TACC2: variants seen among roughly 807,000 people sequenced by gnomAD.
TACC2 encodes the protein transforming acidic coiled-coil containing protein 2, also known as transforming acidic coiled-coil-containing protein 2.
TACC2 carries 137 observed loss-of-function variants against 227.3 expected under a neutral mutation model. That is an observed-to-expected ratio of 0.60 (90% CI 0.52 to 0.69). The LOEUF (loss-of-function observed/expected upper bound fraction) is 0.69. Among genes scored for constraint, TACC2 ranks in the 30% least tolerant of loss-of-function variants. The probability of loss-of-function intolerance (pLI) is 0.00; values close to 1 mark genes in which losing one functional copy is unlikely to be tolerated. For synonymous variants in TACC2, 1,523 were observed against 1,487.5 expected (o/e 1.02, Z -0.55); for missense variants, 3,470 against 3,694.4 (o/e 0.94, Z 1.57).
Position 122,211,377 on chromosome 10 carries a change from C to T in TACC2, c.6952C>T (p.Pro2318Ser). The T allele has an allele frequency of 6.2e-7, 1 of 1,613,996 alleles. No homozygotes were observed. The highest frequency in any genetic ancestry group is 8.5e-7 in the Non-Finnish European group (1 of 1,179,996). Residue 2318 changes from proline (P) to serine (S), a missense_variant, in exon 9 of 23, where the codon CCT (proline) becomes TCT (serine). This residue lies in a region of TACC2 where 593 missense variants were observed against 636.6 expected (regional missense o/e 0.93). Transcript: ENST00000369005. ...PEKLDNTPAS[P>S]PRSPAEPNDI... ...GAAACTTGACAACACTCCTGCCTCACCTCCCAGATCCCCTGCTGAACCCAA... is the reference window on the plus strand; with the variant it reads ...GAAACTTGACAACACTCCTGCCTCATCTCCCAGATCCCCTGCTGAACCCAA...
In TACC2 at chr10:122,086,112, C is replaced by T; in HGVS notation, c.3612C>T (p.Pro1204=). 1 of 1,613,580 alleles carries T rather than the reference C, an allele frequency of 6.2e-7. No homozygotes were observed. The highest frequency in any genetic ancestry group is 8.5e-7 in the Non-Finnish European group (1 of 1,179,978). ...LLPARELGGI[P]RSTMDFSTHQ... ...CAGCCAGAGAGCTGGGTGGGATTCC[C>T]AGGAGCACCATGGATTTTTCTACAC... Residue 1204 remains proline (P), a synonymous_variant, in exon 4 of 23, where the codon CCC becomes CCT. Transcript: ENST00000369005.
intron 1 of TACC2, among the ~76,000 whole-genome samples, chr10:122,020,733 G>A (rs542676355): frequency 6.6e-6 from 1 of 152,258 alleles, no homozygotes; most frequent in South Asian, 2.1e-4. Flanking sequence ...CCCCCACTGG[G>A]TTAGACTGGT....
In TACC2 at chr10:122,088,060, A is replaced by G. The variant is rs774271496; in HGVS notation, c.5459+101A>G. The G allele has an allele frequency of 5.5e-5, 71 of 1,285,706 alleles. 1 individual carries two copies. The highest frequency in any genetic ancestry group is 3.5e-4 in the Admixed American group (11 of 31,264). The allele number at this position is 1,285,706 out of a possible 1,614,324, so 79.6% of individuals were successfully genotyped here. A position where few individuals can be genotyped will look rare whatever the true frequency, so the allele number is the denominator to read the frequency against. On this transcript the variant is annotated intron_variant, in intron 4 of 22. Coordinates refer to ENST00000369005, the MANE Select transcript of TACC2 (RefSeq NM_206862.4). Reference sequence around the variant, plus strand: ...CAGTCGCATAGGTGAGTGGTTTTCTAAAAGCTGAGTTTTCCATATCTAATT... The same window carrying G: ...CAGTCGCATAGGTGAGTGGTTTTCTGAAAGCTGAGTTTTCCATATCTAATT...
intron 11 of TACC2, among the ~76,000 whole-genome samples, chr10:122,224,083 T>C (rs1175818621): frequency 6.6e-6 from 1 of 152,202 alleles, no homozygotes; most frequent in Non-Finnish European, 1.5e-5. Flanking sequence ...TATGGGATTT[T>C]CACCAATCAA....
intron 2 of TACC2, among the ~76,000 whole-genome samples, chr10:122,035,170 C>T (rs1038580391): frequency 7.9e-5 from 12 of 152,284 alleles, no homozygotes; most frequent in Middle Eastern, 3.4e-3. Context: ...GGTCTTCCAT[C>T]GTGCTTTGCA....
At position 122,210,142 on chromosome 10, in the gene TACC2, T is replaced by G; in HGVS notation, c.5972-255T>G. ...GGTGAATGTTTTTGAATGAATACTCTGAGCTGTTCTTTAATCGGTCCTCAT... is the reference window on the plus strand; with the variant it reads ...GGTGAATGTTTTTGAATGAATACTCGGAGCTGTTCTTTAATCGGTCCTCAT... On this transcript the variant is annotated intron_variant, in intron 8 of 22. Transcript: ENST00000369005. The surrounding 1 kb of genome is among the most constrained non-coding windows in gnomAD (Gnocchi z 4.6). 3 of 551,936 alleles carry G rather than the reference T, an allele frequency of 5.4e-6. No homozygotes were observed. Among genetic ancestry groups the G allele is most frequent in the East Asian group, 3.1e-5 (1 of 31,982 alleles). 34.2% of individuals were successfully genotyped at this position (551,936 alleles called of 1,614,324 possible).
chr10:122,003,430 C>T (rs1954664527), intron 1 of TACC2, among the ~76,000 whole-genome samples: 1 of 151,996 alleles, frequency 6.6e-6, no homozygotes, highest in Non-Finnish European at 1.5e-5. Context: ...TTCCTCTGAT[C>T]ACTGCTTTAA....
chr10:122,089,579 A>G (rs2080497429), intron 5 of TACC2, among the ~76,000 whole-genome samples: 1 of 152,242 alleles, frequency 6.6e-6, no homozygotes. Context: ...GCACGTACAC[A>G]GACACACAGT....
chr10:122,153,934 T>C (rs141984289), intron 7 of TACC2, among the ~76,000 whole-genome samples: 1,707 of 152,266 alleles, frequency 0.011, 17 homozygotes, highest in Admixed American at 0.024. Context: ...TCTTCCTCCC[T>C]CCGGGCCCCC....
chr10:122,083,421 C>T lies in TACC2; in HGVS notation c.921C>T (p.Leu307=). ...ATTTAACAGATGACTTGGAATTCCT[C>T]AGGGCCTGCCATCTCCCTAGGAGCA... is the stretch of plus-strand genomic sequence containing the variant. ...PQYLTDDLEF[L]RACHLPRSNS... The change falls in exon 4 of 23, where the codon CTC becomes CTT. Residue 307 remains leucine, a synonymous_variant. Transcript: ENST00000369005. 1 of 1,613,686 alleles carries T rather than the reference C, an allele frequency of 6.2e-7. No individual in the cohort carries two copies. The highest frequency in any genetic ancestry group is 8.5e-7 in the Non-Finnish European group (1 of 1,180,028).
intron 8 of TACC2, among the ~76,000 whole-genome samples, chr10:122,202,702 CGG>C (rs201436301): frequency 0.37 from 52,409 of 143,162 alleles, 11,165 homozygotes; most frequent in Middle Eastern, 0.5. Context: ...GGGTGTTTCT[CGG>C]AGAGGGGGAT....
intron 7 of TACC2, among the ~76,000 whole-genome samples, chr10:122,185,021 C>CT (rs34148046): frequency 0.047 from 4,501 of 95,322 alleles, 338 homozygotes; most frequent in African/African-American, 0.11. Flanking sequence ...GTCACTTATT[C>CT]TTTTTTTTTT....
At chr10:121,992,894 G>T (rs907308811) in intron 1 of TACC2, among the ~76,000 whole-genome samples, 2 of 151,910 alleles carry the variant, frequency 1.3e-5, no homozygotes, top group African/African-American at 4.8e-5. Context: ...GGCAGAGGTT[G>T]CAGTGAGCCA....
chr10:122,155,084 C>G (rs2092372895), intron 7 of TACC2, among the ~76,000 whole-genome samples: 1 of 152,240 alleles, frequency 6.6e-6, no homozygotes, highest in Non-Finnish European at 1.5e-5. Context: ...GCTGCTGTCT[C>G]TGTTCAAAAT....
rs771411616 is a variant in TACC2, at chr10:122,238,017, G to A, written c.8328G>A (p.Arg2776=). The change falls in exon 18 of 23, where the codon AGG becomes AGA. Residue 2776 remains arginine (R), a synonymous_variant. Transcript: ENST00000369005. ...SEWKDKYEES[R]REVMEMRKIV... is the part of the protein sequence containing the mutation. ...GGAAAGATAAATATGAAGAAAGCAG[G>A]CGGGAAGTGATGGAAATGAGGTCAG... 6.2e-7 allele frequency: 1 copy of A among 1,614,088 alleles called. No individual in the cohort carries two copies. The highest frequency in any genetic ancestry group is 8.5e-7 in the Non-Finnish European group (1 of 1,179,992).
At chr10:122,249,782 A>C in intron 22 of TACC2, 118 bp downstream of exon 22, 1 of 1,225,438 alleles carries the variant, frequency 8.2e-7, no homozygotes, top group Non-Finnish European at 1.1e-6. Context: ...AGACGAATTC[A>C]TGCTTCATGA....
At chr10:122,044,260 G>T (rs1026423424) in intron 2 of TACC2, among the ~76,000 whole-genome samples, 4 of 152,226 alleles carry the variant, frequency 2.6e-5, no homozygotes, top group African/African-American at 9.6e-5. Context: ...CAGAGTGCCT[G>T]CTAGGTTAGG....
intron 5 of TACC2, among the ~76,000 whole-genome samples, chr10:122,103,867 T>G (rs1443101311): frequency 6.6e-6 from 1 of 152,212 alleles, no homozygotes; most frequent in African/African-American, 2.4e-5. Flanking sequence ...ACCAGCTGCC[T>G]GGTGAGCACT....
chr10:122,052,613 G>A (rs1266719525), intron 3 of TACC2: 1 of 151,326 alleles, frequency 6.6e-6, no homozygotes, highest in African/African-American at 2.4e-5. Context: ...AACTCAGGAG[G>A]TGGAGGTTGC....
Sources: allele counts gnomAD v4.1 joint callset (sites outside exome capture counted in the v4.1 genomes callset), GRCh38; gene constraint gnomAD v4.1.1; regional missense constraint gnomAD v4.1.1; non-coding constraint Gnocchi (gnomAD v3.1); transcripts MANE v1.5; gene names NCBI Gene and HGNC (gene_info 2026-07-23, HGNC 2026-07-21).